MRC1: variants seen among roughly 807,000 people sequenced by gnomAD.
MRC1 encodes the protein macrophage mannose receptor 1.
In MRC1, 62 loss-of-function variants were observed where a neutral mutation model predicts 102.9. The ratio of observed to expected loss-of-function variants is 0.60; its 90% CI spans 0.49 to 0.74. The LOEUF (loss-of-function observed/expected upper bound fraction) is 0.74, where lower values mean the gene tolerates loss of function less well. MRC1 is among the 30% of genes least tolerant of loss of function. The pLI is 0.00. For missense variants in MRC1, 1,237 were observed against 862.8 expected, an observed-to-expected ratio of 1.43 and a Z score of -5.43; for synonymous variants, 457 against 298.4, an observed-to-expected ratio of 1.53 and a Z score of -5.48.
intron 10 of MRC1, 112 bp from the exon 11 acceptor site, chr10:17,863,422 C>T (rs1392864510): frequency 5.4e-6 from 4 of 735,754 alleles, no homozygotes; most frequent in African/African-American, 5.2e-5. Context: ...TTTGAATTAC[C>T]AGTTCAGTTA....
At chr10:17,867,087 C>T (rs1162207525) in intron 12 of MRC1, among the ~76,000 whole-genome samples, 1 of 145,676 alleles carries the variant, frequency 6.9e-6, no homozygotes, top group Non-Finnish European at 1.5e-5. Flanking sequence ...CCCCCTTGCC[C>T]TCTTCCTCCT....
intron 24 of MRC1, among the ~76,000 whole-genome samples, chr10:17,899,973 C>A (rs1833805728): frequency 6.6e-6 from 1 of 151,634 alleles, no homozygotes; most frequent in Admixed American, 6.6e-5. Flanking sequence ...GGTGGCAGTG[C>A]CTTAATCCCA....
At chr10:17,823,554 A>G in intron 2 of MRC1, 79 bp downstream of exon 2, 2 of 775,302 alleles carry the variant, frequency 2.6e-6, no homozygotes, top group Non-Finnish European at 2.4e-6. Flanking sequence ...GAAAATCATC[A>G]TGTTCTTGTT....
chr10:17,858,530 C>T (rs1436116768), intron 9 of MRC1, among the ~76,000 whole-genome samples: 3 of 152,114 alleles, frequency 2.0e-5, no homozygotes, highest in Non-Finnish European at 2.9e-5. Flanking sequence ...CTCTGTTGCC[C>T]AGGCTGGAGT....
intron 21 of MRC1, among the ~76,000 whole-genome samples, chr10:17,882,296 T>G (rs1464127631): frequency 6.6e-6 from 1 of 151,956 alleles, no homozygotes; most frequent in Non-Finnish European, 1.5e-5. Flanking sequence ...GATCATCCTG[T>G]GTCGCCTCAG....
chr10:17,823,763 A>T (rs1274092573), intron 2 of MRC1, among the ~76,000 whole-genome samples: 12 of 152,248 alleles, frequency 7.9e-5, no homozygotes, highest in Non-Finnish European at 1.6e-4. Context: ...CATTTTTCAG[A>T]AAATCGTTTT....
At position 17,873,780 on chromosome 10, in the gene MRC1, A is replaced by G. The variant is rs1564621471; in HGVS notation, c.2345-4A>G. On this transcript the variant is annotated splice_region_variant and splice_polypyrimidine_tract_variant and intron_variant, in intron 15 of 29. Transcript: ENST00000569591. ...TTTATTTCTATTTTTCTCTTGTTTT[A>G]CAGGACAAACACCAAAACCTGAGCC... The G allele has an allele frequency of 1.1e-6, 1 of 872,588 alleles. No homozygotes were observed. Among genetic ancestry groups the G allele is most frequent in the Non-Finnish European group, 2.0e-6 (1 of 501,368 alleles). 54.1% of individuals were successfully genotyped at this position (872,588 alleles called of 1,614,324 possible).
At chr10:17,870,489 A>G (rs1833338790) in intron 13 of MRC1, 116 bp downstream of exon 13, 4 of 764,838 alleles carry the variant, frequency 5.2e-6, no homozygotes, top group East Asian at 2.4e-5. Flanking sequence ...GAGCACCTGT[A>G]TCATCTCCCA....
chr10:17,830,900 A>T (rs182452725), intron 3 of MRC1, among the ~76,000 whole-genome samples: 19,558 of 135,422 alleles, frequency 0.14, 1,678 homozygotes, highest in Middle Eastern at 0.22. Flanking sequence ...ATATATATAT[A>T]TTTTTGGAGA....
chr10:17,862,427 T>C (rs1833197921), intron 10 of MRC1, among the ~76,000 whole-genome samples: 1 of 152,194 alleles, frequency 6.6e-6, no homozygotes, highest in Non-Finnish European at 1.5e-5. Flanking sequence ...CACCTTTAAG[T>C]ACCATGAGAT....
At chr10:17,863,983 G>C (rs2130664701) in intron 11 of MRC1, among the ~76,000 whole-genome samples, 1 of 150,564 alleles carries the variant, frequency 6.6e-6, no homozygotes, top group African/African-American at 2.4e-5. Context: ...GGTCGCAAAG[G>C]TTTCAAATGG....
At chr10:17,818,888 T>A (rs1182529652) in intron 1 of MRC1, among the ~76,000 whole-genome samples, 2 of 152,144 alleles carry the variant, frequency 1.3e-5, no homozygotes, top group African/African-American at 4.8e-5. Context: ...AAGTCACTAA[T>A]GTGGAAGTGA....
At chr10:17,818,833 C>T (rs1352595923) in intron 1 of MRC1, among the ~76,000 whole-genome samples, 2 of 152,150 alleles carry the variant, frequency 1.3e-5, no homozygotes, top group Admixed American at 6.5e-5. Context: ...GACACTTGAG[C>T]TGTGACCTTA....
chr10:17,876,628 G>C (rs1833441215), intron 17 of MRC1, among the ~76,000 whole-genome samples: 1 of 152,136 alleles, frequency 6.6e-6, no homozygotes, highest in Non-Finnish European at 1.5e-5. Context: ...TCACTAATTT[G>C]ATTTGCAAAG....
intron 24 of MRC1, among the ~76,000 whole-genome samples, chr10:17,899,560 T>G (rs1833801014): frequency 6.6e-6 from 1 of 152,194 alleles, no homozygotes; most frequent in African/African-American, 2.4e-5. Context: ...ATACTTCTAA[T>G]TTTTGTCACT....
Position 17,874,716 on chromosome 10 carries a change from G to A in MRC1, c.2387-374G>A, listed in dbSNP as rs1298351358. 6.6e-5 allele frequency among the ~76,000 whole-genome samples: 10 copies of A among 151,148 alleles called. No individual in the cohort carries two copies. In the East Asian group the frequency reaches 1.8e-3, roughly 27 times the overall value. On this transcript the variant is annotated intron_variant, in intron 16 of 29. Coordinates refer to ENST00000569591, the MANE Select transcript of MRC1 (RefSeq NM_002438.4). ...TTTGCTTTTTTTTTTTTCTTATACT[G>A]GGGTGAAAGCTGCTTTCTCATAGTT... is the stretch of plus-strand genomic sequence containing the variant.
chr10:17,863,693 C>T lies in MRC1; in HGVS notation c.1783+11C>T, dbSNP rs1399131802. 3 of 780,468 alleles carry T rather than the reference C, an allele frequency of 3.8e-6. No homozygotes were observed. The highest frequency in any genetic ancestry group is 2.4e-5 in the East Asian group (1 of 41,246). 48.3% of individuals were successfully genotyped at this position (780,468 alleles called of 1,614,324 possible). A position where few individuals can be genotyped will look rare whatever the true frequency, so the allele number is the denominator to read the frequency against. On this transcript the variant is annotated intron_variant, in intron 11 of 29. Coordinates refer to ENST00000569591, the MANE Select transcript of MRC1 (RefSeq NM_002438.4). ...ATTCAGATATGCCAGGTACGGGCAG[C>T]GCTTAGGTTGAGGGTTGCTTTCACC...
chr10:17,903,710 C>G (rs1273947165), intron 26 of MRC1, among the ~76,000 whole-genome samples: 1 of 151,916 alleles, frequency 6.6e-6, no homozygotes, highest in African/African-American at 2.4e-5. Flanking sequence ...TTTTAATTTT[C>G]TTGTTGTTTC....
intron 24 of MRC1, among the ~76,000 whole-genome samples, chr10:17,899,060 T>C (rs1833793733): frequency 6.6e-6 from 1 of 150,636 alleles, no homozygotes; most frequent in African/African-American, 2.5e-5. Context: ...CCAAAGTTTA[T>C]AGATATAGTC....
Sources: allele counts gnomAD v4.1 joint callset (sites outside exome capture counted in the v4.1 genomes callset), GRCh38; gene constraint gnomAD v4.1.1; transcripts MANE v1.5; gene names NCBI Gene and HGNC (gene_info 2026-07-23, HGNC 2026-07-21).